The following NSUN6 variants were observed in gnomAD, a reference collection of about 807,000 sequenced individuals.
The protein encoded by NSUN6 is tRNA (cytosine(72)-C(5))-methyltransferase NSUN6.
NSUN6 carries 64 observed loss-of-function variants against 58.0 expected under a neutral mutation model. The observed-to-expected ratio is 1.10, with a 90% CI of 0.90 to 1.36. The LOEUF is 1.36. Ranked by LOEUF, NSUN6 falls within the 40% of genes most tolerant of loss-of-function variation. The probability of loss-of-function intolerance (pLI) is 0.00; values close to 1 mark genes in which losing one functional copy is unlikely to be tolerated. For missense variants in NSUN6, 701 were observed against 550.1 expected, an observed-to-expected ratio of 1.27 and a Z score of -2.74; for synonymous variants, 231 against 193.9, an observed-to-expected ratio of 1.19 and a Z score of -1.59.
intron 8 of NSUN6, among the ~76,000 whole-genome samples, chr10:18,569,139 C>T (rs797000543): frequency 9.3e-5 from 14 of 151,008 alleles, no homozygotes; most frequent in African/African-American, 3.4e-4. Flanking sequence ...ATTCCATTCC[C>T]CATTCCACTG....
intron 8 of NSUN6, among the ~76,000 whole-genome samples, chr10:18,574,434 G>C (rs1342129508): frequency 6.6e-6 from 1 of 151,850 alleles, no homozygotes; most frequent in African/African-American, 2.4e-5. Context: ...CCAAATCTAA[G>C]GAGGGAACAC....
At chr10:18,652,056 A>G (rs2059719392), upstream of NSUN6, 1 of 985,278 alleles carries the variant, frequency 1.0e-6, no homozygotes, top group Admixed American at 6.2e-5. Context: ...TGTGAAGTTC[A>G]TAGGGTTCAT....
At chr10:18,589,781 C>A (rs905092657) in intron 7 of NSUN6, among the ~76,000 whole-genome samples, 2 of 152,146 alleles carry the variant, frequency 1.3e-5, no homozygotes, top group Non-Finnish European at 2.9e-5. Context: ...AAAGGAAAAA[C>A]CAGTAACAGC....
chr10:18,625,457 A>C (rs940384984), intron 3 of NSUN6, among the ~76,000 whole-genome samples: 15 of 152,134 alleles, frequency 9.9e-5, no homozygotes, highest in Admixed American at 3.3e-4. Context: ...TCACACCTGA[A>C]ATCCCAGCAC....
At chr10:18,642,223 G>A (rs1296214624) in intron 3 of NSUN6, among the ~76,000 whole-genome samples, 1 of 151,636 alleles carries the variant, frequency 6.6e-6, no homozygotes, top group South Asian at 2.1e-4. Flanking sequence ...AAGTGGGGGG[G>A]GGAAAACATC....
intron 8 of NSUN6, among the ~76,000 whole-genome samples, chr10:18,557,453 A>T (rs1477315211): frequency 6.6e-6 from 1 of 150,478 alleles, no homozygotes; most frequent in Non-Finnish European, 1.5e-5. Flanking sequence ...AATGGAATGG[A>T]GAATGGAATG....
chr10:18,575,640 G>T (rs2056609638), intron 8 of NSUN6, among the ~76,000 whole-genome samples: 1 of 152,112 alleles, frequency 6.6e-6, no homozygotes, highest in African/African-American at 2.4e-5. Context: ...AGACCTTAAA[G>T]AACCACTTAA....
At chr10:18,558,379 GA>G (rs1255564793) in intron 8 of NSUN6, among the ~76,000 whole-genome samples, 1 of 151,558 alleles carries the variant, frequency 6.6e-6, no homozygotes, top group African/African-American at 2.4e-5. Flanking sequence ...GTGGAGAATG[GA>G]ATGGAATGCA....
intron 8 of NSUN6, among the ~76,000 whole-genome samples, chr10:18,565,608 C>T (rs1192238773): frequency 6.6e-6 from 1 of 150,926 alleles, no homozygotes; most frequent in Non-Finnish European, 1.5e-5. Flanking sequence ...TTCTCCATTC[C>T]ATTCTCCATT....
At chr10:18,614,881 A>G (rs1221543232) in intron 4 of NSUN6, among the ~76,000 whole-genome samples, 1 of 152,136 alleles carries the variant, frequency 6.6e-6, no homozygotes, top group East Asian at 1.9e-4. Context: ...GGAAATCTCA[A>G]GCTGAGCCAA....
At chr10:18,653,049 A>T (rs1406309431), upstream of NSUN6, 2 of 984,662 alleles carry the variant, frequency 2.0e-6, no homozygotes, top group African/African-American at 3.5e-5. Context: ...GAAAGTGATA[A>T]ATGTCTAAAT....
intron 5 of NSUN6, among the ~76,000 whole-genome samples, chr10:18,614,078 T>C (rs1407703649): frequency 1.3e-5 from 2 of 152,144 alleles, no homozygotes; most frequent in Non-Finnish European, 2.9e-5. Flanking sequence ...AAAAATATGT[T>C]TAATTTATAT....
At chr10:18,609,672 G>C (rs1366167242) in intron 6 of NSUN6, among the ~76,000 whole-genome samples, 173 bp downstream of exon 6, 4 of 151,966 alleles carry the variant, frequency 2.6e-5, no homozygotes, top group Non-Finnish European at 5.9e-5. Flanking sequence ...ATGAGAAAAA[G>C]AAAAGAAAGG....
intron 8 of NSUN6, among the ~76,000 whole-genome samples, chr10:18,567,040 T>C (rs1285263570): frequency 6.6e-6 from 1 of 150,814 alleles, no homozygotes; most frequent in Non-Finnish European, 1.5e-5. Context: ...TTCCATTCCA[T>C]ATTCTATTCC....
At chr10:18,656,881 C>T (rs1347731725), upstream of NSUN6, among the ~76,000 whole-genome samples, 2 of 136,632 alleles carry the variant, frequency 1.5e-5, no homozygotes, top group Non-Finnish European at 3.0e-5. Context: ...GGCTGGAGTC[C>T]AGATGCACGA....
At chr10:18,607,117 T>C (rs1258585084) in intron 6 of NSUN6, among the ~76,000 whole-genome samples, 2 of 152,174 alleles carry the variant, frequency 1.3e-5, no homozygotes, top group Admixed American at 1.3e-4. Context: ...TGAAAAGCAT[T>C]TTCATTTAGA....
At chr10:18,573,731 C>G (rs1412357036) in intron 8 of NSUN6, among the ~76,000 whole-genome samples, 1 of 152,084 alleles carries the variant, frequency 6.6e-6, no homozygotes, top group Admixed American at 6.6e-5. Flanking sequence ...AAAAAGAAAG[C>G]TTCAGTATGT....
intron 1 of NSUN6, among the ~76,000 whole-genome samples, chr10:18,649,272 T>C (rs565112353): frequency 8.4e-4 from 128 of 152,296 alleles, no homozygotes; most frequent in African/African-American, 2.9e-3. Context: ...TCCCTTGTAA[T>C]TAACCGAAGC....
At chr10:18,653,088 C>A (rs759733299), upstream of NSUN6, 35 of 984,790 alleles carry the variant, frequency 3.6e-5, no homozygotes, top group Non-Finnish European at 4.2e-5. Flanking sequence ...TTTCTGTAGC[C>A]TGAATTTCAT....
Sources: allele counts gnomAD v4.1 joint callset (sites outside exome capture counted in the v4.1 genomes callset), GRCh38; gene constraint gnomAD v4.1.1; transcripts MANE v1.5; gene names NCBI Gene and HGNC (gene_info 2026-07-23, HGNC 2026-07-21).